Variants in DNM3 observed in about 807,000 individuals in gnomAD.
DNM3 encodes the protein dynamin 3.
In DNM3, 47 loss-of-function variants were observed where a neutral mutation model predicts 101.6. The observed-to-expected ratio is 0.46, with a 90% CI of 0.37 to 0.59. DNM3 has a LOEUF of 0.59. Ranked by LOEUF, DNM3 falls within the 20% of genes least tolerant of loss-of-function variation. The probability of loss-of-function intolerance (pLI) is 0.00; values close to 1 mark genes in which losing one functional copy is unlikely to be tolerated. For synonymous variants in DNM3, 385 were observed against 387.9 expected (o/e 0.99, Z 0.09); for missense variants, 849 against 1,085.7 (o/e 0.78, Z 3.06).
At chr1:172,266,313 T>C (rs2062857461) in intron 15 of DNM3, among the ~76,000 whole-genome samples, 1 of 152,156 alleles carries the variant, frequency 6.6e-6, no homozygotes, top group Non-Finnish European at 1.5e-5. Flanking sequence ...GTCTAAAAGA[T>C]CATGTCTCAA....
intron 14 of DNM3, chr1:172,137,518 A>G (rs2148126086): frequency 6.6e-6 from 1 of 152,310 alleles, no homozygotes; most frequent in Non-Finnish European, 1.5e-5. Flanking sequence ...TTAAAATATC[A>G]TTGTCAGAAA....
At chr1:172,206,442 T>A (rs2148504415) in intron 14 of DNM3, among the ~76,000 whole-genome samples, 1 of 152,260 alleles carries the variant, frequency 6.6e-6, no homozygotes, top group South Asian at 2.1e-4. Context: ...TGCACAGATA[T>A]TAAAAAGTCA....
chr1:172,081,921 G>GCA lies in DNM3; in HGVS notation c.1493+19_1493+20insCA. The GCA allele has an allele frequency of 6.2e-7, 1 of 1,609,252 alleles. No individual in the cohort carries two copies. The highest frequency in any genetic ancestry group is 8.5e-7 in the Non-Finnish European group (1 of 1,177,016). ...TCGCAAAGTACGTGAAACACTTGAT[G>GCA]GCCACATGCATTCCTCCTGTTGATT... On this transcript the variant is annotated intron_variant, in intron 12 of 20. Coordinates refer to ENST00000627582, the MANE Select transcript of DNM3 (RefSeq NM_015569.5).
intron 2 of DNM3, among the ~76,000 whole-genome samples, chr1:171,943,630 C>G (rs957626360): frequency 1.3e-5 from 2 of 152,118 alleles, no homozygotes; most frequent in Non-Finnish European, 2.9e-5. Flanking sequence ...CCTGGAAGCC[C>G]CCTGCTTCCA....
chr1:172,300,765 G>A lies in DNM3; in HGVS notation c.1770-7963G>A, dbSNP rs1024130261. Among the ~76,000 whole-genome samples the A allele has an allele frequency of 3.3e-5, 5 of 152,180 alleles. No homozygotes were observed. The South Asian group carries it at 1.0e-3, about 32-fold the overall frequency. ...CTGGGAGACCAATGAGGAGGCTATT[G>A]TATAATAATAGTCCAAAAGAGAGGT... On this transcript the variant is annotated intron_variant, in intron 15 of 20. Transcript: ENST00000627582.
At chr1:172,343,301 G>A (rs2066774324) in intron 17 of DNM3, among the ~76,000 whole-genome samples, 1 of 151,504 alleles carries the variant, frequency 6.6e-6, no homozygotes, top group Non-Finnish European at 1.5e-5. Flanking sequence ...TGTTCTTAGA[G>A]ACTAAAAACA....
At chr1:172,339,235 C>T (rs369846326) in intron 17 of DNM3, among the ~76,000 whole-genome samples, 1 of 152,190 alleles carries the variant, frequency 6.6e-6, no homozygotes, top group African/African-American at 2.4e-5. Flanking sequence ...TGAATGCTTG[C>T]ATCTGCCACA....
At chr1:172,221,788 A>G (rs2060915930) in intron 14 of DNM3, among the ~76,000 whole-genome samples, 1 of 152,142 alleles carries the variant, frequency 6.6e-6, no homozygotes, top group African/African-American at 2.4e-5. Context: ...GGGACTCCCC[A>G]TTCCTCTTTC....
chr1:172,064,052 T>C (rs756909941), intron 10 of DNM3, among the ~76,000 whole-genome samples: 2 of 152,130 alleles, frequency 1.3e-5, no homozygotes, highest in Non-Finnish European at 1.5e-5. Context: ...TGTTATGATA[T>C]AAACTGAGCA....
At chr1:172,223,001 A>G (rs2060966512) in intron 14 of DNM3, among the ~76,000 whole-genome samples, 1 of 152,104 alleles carries the variant, frequency 6.6e-6, no homozygotes, top group Non-Finnish European at 1.5e-5. Context: ...ATGTTTCCAT[A>G]CACGTATACA....
intron 13 of DNM3, among the ~76,000 whole-genome samples, chr1:172,121,706 G>C (rs556943036): frequency 3.3e-5 from 5 of 152,320 alleles, no homozygotes; most frequent in African/African-American, 1.2e-4. Flanking sequence ...ATCTTTGTTA[G>C]TTGGTTACAA....
chr1:172,124,932 C>T (rs1264123104), intron 13 of DNM3, among the ~76,000 whole-genome samples: 7 of 152,148 alleles, frequency 4.6e-5, no homozygotes, highest in African/African-American at 4.8e-5. Context: ...GCCTTAGAAA[C>T]GAGTCTGCTA....
intron 15 of DNM3, among the ~76,000 whole-genome samples, chr1:172,277,096 C>G (rs923365205): frequency 6.6e-6 from 1 of 151,962 alleles, no homozygotes; most frequent in Non-Finnish European, 1.5e-5. Flanking sequence ...GAGGTAGGAG[C>G]TAATGGGTAC....
At chr1:172,167,716 C>T (rs2058802167) in intron 14 of DNM3, among the ~76,000 whole-genome samples, 1 of 151,818 alleles carries the variant, frequency 6.6e-6, no homozygotes, top group African/African-American at 2.4e-5. Flanking sequence ...ATTTTTTTTC[C>T]ATATAATTGA....
At chr1:172,041,088 T>C (rs905089228) in intron 7 of DNM3, among the ~76,000 whole-genome samples, 1 of 152,108 alleles carries the variant, frequency 6.6e-6, no homozygotes, top group Non-Finnish European at 1.5e-5. Flanking sequence ...GTTATTCTGA[T>C]AGGGTGAGGT....
intron 17 of DNM3, among the ~76,000 whole-genome samples, chr1:172,359,630 A>T (rs545550410): frequency 2.0e-5 from 3 of 151,772 alleles, no homozygotes; most frequent in Non-Finnish European, 4.4e-5. Context: ...AGAAAAATAA[A>T]AAAAAAAAAA....
chr1:172,208,457 T>C (rs916417610), intron 14 of DNM3, among the ~76,000 whole-genome samples: 1 of 152,020 alleles, frequency 6.6e-6, no homozygotes, highest in African/African-American at 2.4e-5. Context: ...CCCTCCATAA[T>C]GTAGGTGGGG....
chr1:171,933,817 G>A (rs2041213585), intron 2 of DNM3, among the ~76,000 whole-genome samples: 2 of 152,128 alleles, frequency 1.3e-5, no homozygotes, highest in South Asian at 2.1e-4. Flanking sequence ...GTGAGCTAGG[G>A]TAATTCCTTT....
chr1:171,883,671 C>T (rs920547626), intron 1 of DNM3, among the ~76,000 whole-genome samples: 2 of 151,990 alleles, frequency 1.3e-5, no homozygotes, highest in African/African-American at 4.8e-5. Flanking sequence ...AGGGTTTTAC[C>T]ATGTTGGTCA....
Sources: allele counts gnomAD v4.1 joint callset (sites outside exome capture counted in the v4.1 genomes callset), GRCh38; gene constraint gnomAD v4.1.1; transcripts MANE v1.5; gene names NCBI Gene and HGNC (gene_info 2026-07-23, HGNC 2026-07-21).